Variants in KAZN observed in about 807,000 individuals in gnomAD.
KAZN encodes the protein kazrin.
A neutral mutation model predicts 87.4 loss-of-function variants in KAZN; 40 were observed. The observed-to-expected ratio is 0.46, with a 90% confidence interval of 0.36 to 0.60. The LOEUF is 0.60. Among genes scored for constraint, KAZN ranks in the 20% least tolerant of loss-of-function variants. The pLI, the probability that KAZN is intolerant of heterozygous loss-of-function variation, is 0.00. For missense variants in KAZN, 898 were observed against 1,073.9 expected (o/e 0.84, Z 2.29); for synonymous variants, 466 against 458.3 (o/e 1.02, Z -0.22).
chr1:15,069,526 C>T (rs1453090404), intron 8 of KAZN, among the ~76,000 whole-genome samples: 1 of 152,228 alleles, frequency 6.6e-6, no homozygotes, highest in African/African-American at 2.4e-5. Flanking sequence ...TCCAGGGAAG[C>T]TGAGGCAGGA....
chr1:14,634,083 G>T (rs56003066), intron 1 of KAZN, among the ~76,000 whole-genome samples: 1 of 151,932 alleles, frequency 6.6e-6, no homozygotes, highest in Non-Finnish European at 1.5e-5. Flanking sequence ...TTGCAGAGAG[G>T]GACCCATTCT....
intron 1 of KAZN, among the ~76,000 whole-genome samples, chr1:14,760,383 T>C (rs1333751477): frequency 6.6e-6 from 1 of 152,242 alleles, no homozygotes; most frequent in Non-Finnish European, 1.5e-5. Context: ...TGAAGTGCGT[T>C]ATCTCTTTTA....
chr1:14,625,345 C>G (rs527951366), intron 1 of KAZN, among the ~76,000 whole-genome samples: 47 of 152,262 alleles, frequency 3.1e-4, no homozygotes, highest in African/African-American at 1.0e-3. Context: ...GGTGGCCCCC[C>G]TCACACTGCA....
intron 8 of KAZN, chr1:15,067,429 G>A: frequency 2.0e-6 from 2 of 985,492 alleles, no homozygotes; most frequent in Non-Finnish European, 2.4e-6. Context: ...TTTAATGCCA[G>A]GGGACGGAGG....
In KAZN at chr1:15,096,532, G is replaced by GGGGCTGTCTTAGTCTGCTT. The variant is rs1553189214; in HGVS notation, c.1547+1606_1547+1624dup. The stretch of plus-strand genomic sequence containing the variant: ...GTGTTGCACAACACAGCCCCTAAAT[G>GGGGCTGTCTTAGTCTGCTT]GGGCTGTCTTAGTCTGCTTGGGCTG... On this transcript the variant is annotated intron_variant, in intron 10 of 14. Coordinates refer to ENST00000376030, the MANE Select transcript of KAZN (RefSeq NM_201628.3). The surrounding 1 kb of genome is among the most constrained non-coding windows in gnomAD (Gnocchi z 4.5). 6.6e-5 allele frequency among the ~76,000 whole-genome samples: 10 copies of GGGGCTGTCTTAGTCTGCTT among 152,318 alleles called. No homozygotes were observed. Among genetic ancestry groups the GGGGCTGTCTTAGTCTGCTT allele is most frequent in the African/African-American group, 2.4e-4 (10 of 41,580 alleles).
At chr1:14,189,179 T>C (rs1646374073) in intron 2 of KAZN, among the ~76,000 whole-genome samples, 1 of 152,168 alleles carries the variant, frequency 6.6e-6, no homozygotes. Context: ...AATAATGAGA[T>C]GGTGACCTGG....
chr1:14,387,407 A>AGTTTT (rs1244471089), intron 2 of KAZN, among the ~76,000 whole-genome samples: 11 of 152,112 alleles, frequency 7.2e-5, no homozygotes, highest in African/African-American at 2.7e-4. Context: ...TAGAGTTTCC[A>AGTTTT]GTTTTTCTGC....
intron 1 of KAZN, among the ~76,000 whole-genome samples, chr1:14,954,331 G>A (rs1030250058): frequency 1.3e-5 from 2 of 152,250 alleles, no homozygotes; most frequent in Non-Finnish European, 2.9e-5. Context: ...TACCCAATCA[G>A]TCTTTGGGCA....
rs140617365 is a variant in KAZN, at chr1:14,409,197, C to G, written c.250-189786C>G. Among the ~76,000 whole-genome samples, 151 of 152,060 alleles carry G rather than the reference C, an allele frequency of 9.9e-4. 1 individual carries two copies. Among genetic ancestry groups the G allele is most frequent in the Middle Eastern group, 6.8e-3 (2 of 294 alleles). Reference sequence around the variant, plus strand: ...TGTTTTAAATGCATAGATGAGCTTTCCAGAAAAAAAGTTATTCTAGGAACC... The same window carrying G: ...TGTTTTAAATGCATAGATGAGCTTTGCAGAAAAAAAGTTATTCTAGGAACC... On this transcript the variant is annotated intron_variant, in intron 2 of 16. Transcript: ENST00000636203.
chr1:14,285,375 G>C (rs1653162285), intron 2 of KAZN, among the ~76,000 whole-genome samples: 1 of 152,140 alleles, frequency 6.6e-6, no homozygotes, highest in Non-Finnish European at 1.5e-5. Flanking sequence ...GCAGTCTATT[G>C]GTTCCTCTCT....
chr1:14,549,068 T>A (rs1346152224), intron 2 of KAZN, among the ~76,000 whole-genome samples: 1 of 152,244 alleles, frequency 6.6e-6, no homozygotes, highest in Non-Finnish European at 1.5e-5. Flanking sequence ...AGGAAGGCAG[T>A]TGATTTTGGT....
chr1:14,603,072 C>A (rs1004899761), intron 1 of KAZN, among the ~76,000 whole-genome samples: 8 of 152,168 alleles, frequency 5.3e-5, no homozygotes, highest in Non-Finnish European at 7.3e-5. Context: ...ACTGGAAACT[C>A]TTTCGTGAAG....
chr1:14,795,858 C>G (rs2100711591), intron 1 of KAZN, among the ~76,000 whole-genome samples: 1 of 152,326 alleles, frequency 6.6e-6, no homozygotes, highest in South Asian at 2.1e-4. Context: ...CCCCATCACT[C>G]AGGACTCTGC....
intron 2 of KAZN, among the ~76,000 whole-genome samples, chr1:14,385,661 C>A (rs951049010): frequency 6.6e-6 from 1 of 151,964 alleles, no homozygotes; most frequent in Non-Finnish European, 1.5e-5. Flanking sequence ...GGTTTGATTG[C>A]ACTGTGGTCT....
intron 2 of KAZN, among the ~76,000 whole-genome samples, chr1:14,470,114 A>G (rs1668374528): frequency 6.6e-6 from 1 of 152,246 alleles, no homozygotes; most frequent in Non-Finnish European, 1.5e-5. Flanking sequence ...ATTTCAAACA[A>G]TGCGCTTGAG....
intron 1 of KAZN, among the ~76,000 whole-genome samples, chr1:14,855,379 TTTG>T (rs1341135501): frequency 1.3e-5 from 2 of 152,214 alleles, no homozygotes; most frequent in African/African-American, 4.8e-5. Context: ...TTGTCATTTT[TTTG>T]TTAACACCAC....
At chr1:15,012,045 C>G (rs368623218) in intron 2 of KAZN, among the ~76,000 whole-genome samples, 2 of 152,172 alleles carry the variant, frequency 1.3e-5, no homozygotes, top group African/African-American at 2.4e-5. Flanking sequence ...ATAATGGCAG[C>G]TAACACCATG....
intron 1 of KAZN, among the ~76,000 whole-genome samples, chr1:13,899,105 C>T (rs1639151239): frequency 6.6e-6 from 1 of 152,200 alleles, no homozygotes; most frequent in African/African-American, 2.4e-5. Flanking sequence ...GGACCTGTTT[C>T]TTGCCTGGCT....
intron 2 of KAZN, among the ~76,000 whole-genome samples, chr1:14,308,286 A>T (rs1655063571): frequency 3.3e-5 from 5 of 152,202 alleles, no homozygotes; most frequent in Admixed American, 2.6e-4. Context: ...GAAAATGTTA[A>T]ATTTTCTGAT....
Sources: allele counts gnomAD v4.1 joint callset (sites outside exome capture counted in the v4.1 genomes callset), GRCh38; gene constraint gnomAD v4.1.1; non-coding constraint Gnocchi (gnomAD v3.1); transcripts MANE v1.5; gene names NCBI Gene and HGNC (gene_info 2026-07-23, HGNC 2026-07-21).